MAG: variants seen among roughly 807,000 people sequenced by gnomAD.
MAG encodes the protein myelin associated glycoprotein.
Under a neutral mutation model 60.7 loss-of-function variants are expected in MAG, and 30 were observed. That is an observed-to-expected ratio of 0.49 (90% CI 0.37 to 0.67). MAG has a LOEUF of 0.67. Ranked by LOEUF, MAG falls within the 30% of genes least tolerant of loss-of-function variation. MAG has a pLI of 0.00. For missense variants in MAG, 795 were observed against 851.7 expected (o/e 0.93, Z 0.83); for synonymous variants, 384 against 376.8 (o/e 1.02, Z -0.22).
chr19:35,310,288 C>T (rs1304366537), intron 8 of MAG, 127 bp downstream of exon 8: 4 of 1,299,674 alleles, frequency 3.1e-6, no homozygotes, highest in Non-Finnish European at 4.1e-6. Context: ...TCAAATTCTC[C>T]CTTTCCGGTT....
Position 35,298,216 on chromosome 19 carries a change from C to T in MAG, c.416-1338C>T, listed in dbSNP as rs2066417484. Among the ~76,000 whole-genome samples the T allele has an allele frequency of 8.0e-5, 12 of 150,410 alleles. 2 individuals carry two copies. In the South Asian group the frequency reaches 2.5e-3, roughly 32 times the overall value. ...CCTATACACACTACACATACATGCA[C>T]TACCCACACATCACAACACAAACCA... On this transcript the variant is annotated intron_variant, in intron 4 of 10. Transcript: ENST00000392213.
At chr19:35,296,115 G>C in intron 4 of MAG, 134 bp downstream of exon 4, 1 of 1,272,376 alleles carries the variant, frequency 7.9e-7, no homozygotes, top group East Asian at 2.4e-5. Context: ...TTGGCTGGGG[G>C]TGCAAACCTC....
chr19:35,308,785 C>T (rs2066503455), intron 7 of MAG, among the ~76,000 whole-genome samples: 1 of 152,114 alleles, frequency 6.6e-6, no homozygotes, highest in African/African-American at 2.4e-5. Context: ...GTATACATTA[C>T]ATTGAACTAT....
In MAG at chr19:35,310,059, A is replaced by G. The variant is rs1482860502; in HGVS notation, c.1417A>G (p.Ile473Val). The G allele has an allele frequency of 1.9e-6, 3 of 1,613,692 alleles. No homozygotes were observed. Among genetic ancestry groups the G allele is most frequent in the Admixed American group, 3.3e-5 (2 of 60,010 alleles). ...SERSGLVLTS[I>V]LTLRGQAQAP... is the part of the protein sequence containing the mutation. ...GCGCAGCGGCCTCGTGCTCACCAGC[A>G]TCCTCACGCTGCGGGGGCAGGCCCA... is the stretch of plus-strand genomic sequence containing the variant. The change falls in exon 8 of 11, where the codon ATC becomes GTC. Residue 473 changes from isoleucine (I) to valine (V), a missense_variant. By Grantham distance (29) the Ile-to-Val change is conservative. Coordinates refer to ENST00000392213, the MANE Select transcript of MAG (RefSeq NM_002361.4).
At chr19:35,292,568 T>TG (rs1402230733) in intron 1 of MAG, among the ~76,000 whole-genome samples, 1 of 152,022 alleles carries the variant, frequency 6.6e-6, no homozygotes, top group African/African-American at 2.4e-5. Flanking sequence ...ATCAGACACC[T>TG]GCAGGCTGCA....
chr19:35,300,264 G>A lies in MAG; in HGVS notation c.830G>A (p.Gly277Glu), dbSNP rs753123297. ...CCGCTGCTGACCTGGATGCGGGACGGGACAGTCCTCCGGGAGGCGGTGGCC... is the reference window on the plus strand; with the variant it reads ...CCGCTGCTGACCTGGATGCGGGACGAGACAGTCCTCCGGGAGGCGGTGGCC... Reference protein sequence around the residue: ...PPPLLTWMRDGTVLREAVAES... With the variant: ...PPPLLTWMRDETVLREAVAES... Residue 277 changes from glycine (G) to glutamate (E), a missense_variant, in exon 6 of 11, where the codon GGG becomes GAG. Coordinates refer to ENST00000392213, the MANE Select transcript of MAG (RefSeq NM_002361.4). The A allele has an allele frequency of 6.9e-6, 11 of 1,598,898 alleles. No homozygotes were observed. The South Asian group carries it at 1.2e-4, about 18-fold the overall frequency.
rs947056099 is a variant in MAG, at chr19:35,293,405, G to A, written c.-79-830G>A. Among the ~76,000 whole-genome samples, 3 of 151,978 alleles carry A rather than the reference G, an allele frequency of 2.0e-5. No homozygotes were observed. Among genetic ancestry groups the A allele is most frequent in the Non-Finnish European group, 4.4e-5 (3 of 67,974 alleles). The stretch of plus-strand genomic sequence containing the variant: ...GTGCCAGCCCATCCCTGTGGGCACA[G>A]GGGTCCCTGTGCCTGTCTGTGTGTT... On this transcript the variant is annotated intron_variant, in intron 1 of 10. Transcript: ENST00000392213. This position sits in a 1 kb window ranked among gnomAD's most constrained non-coding sequence, Gnocchi z 4.0.
Position 35,295,742 on chromosome 19 carries a change from G to A in MAG, c.176G>A (p.Trp59Ter). 1 of 1,613,892 alleles carries A rather than the reference G, an allele frequency of 6.2e-7. No individual in the cohort carries two copies. The highest frequency in any genetic ancestry group is 8.5e-7 in the Non-Finnish European group (1 of 1,180,014). ...ELRPAVVHGVWYFNSPYPKNY... is the reference protein window; with the variant it reads ...ELRPAVVHGV Reference sequence around the variant, plus strand: ...CGGCCCGCTGTGGTGCATGGTGTCTGGTACTTCAATAGCCCCTACCCCAAG... The same window carrying A: ...CGGCCCGCTGTGGTGCATGGTGTCTAGTACTTCAATAGCCCCTACCCCAAG... The change falls in exon 4 of 11, where the codon TGG (tryptophan) becomes TAG (stop). Residue 59 changes from tryptophan to a stop codon, truncating the protein, a stop_gained. Coordinates refer to ENST00000392213, the MANE Select transcript of MAG (RefSeq NM_002361.4). LOFTEE classifies it high-confidence loss of function. This position sits in a 1 kb window ranked among gnomAD's most constrained non-coding sequence, Gnocchi z 5.8.
chr19:35,309,830 G>A, intron 7 of MAG, 44 bp from the exon 8 acceptor site: 3 of 1,581,804 alleles, frequency 1.9e-6, no homozygotes, highest in South Asian at 2.2e-5. Flanking sequence ...GCCGGGCCTC[G>A]CGTTGGCTCC....
chr19:35,302,912 C>CTTTTT (rs869126086), intron 7 of MAG, among the ~76,000 whole-genome samples: 7 of 99,822 alleles, frequency 7.0e-5, no homozygotes, highest in South Asian at 7.2e-4. Context: ...CGGGAGTGGG[C>CTTTTT]TTTTTTTTTT....
intron 4 of MAG, among the ~76,000 whole-genome samples, chr19:35,296,870 C>T (rs1045648761): frequency 2.0e-5 from 3 of 149,146 alleles, no homozygotes; most frequent in Non-Finnish European, 4.5e-5. Flanking sequence ...ACACACTGCT[C>T]CTGCTACCTA....
intron 10 of MAG, 99 bp from the exon 11 acceptor site, chr19:35,313,191 G>C: frequency 7.6e-7 from 1 of 1,323,490 alleles, no homozygotes; most frequent in Non-Finnish European, 1.0e-6. Context: ...GATTTATTTG[G>C]GACTGAACTC....
At position 35,300,292 on chromosome 19, in the gene MAG, G is replaced by A. The variant is rs201069117; in HGVS notation, c.858G>A (p.Glu286=). 2.5e-6 allele frequency: 4 copies of A among 1,599,702 alleles called. No homozygotes were observed. Among genetic ancestry groups the A allele is most frequent in the Non-Finnish European group, 3.4e-6 (4 of 1,179,208 alleles). Residue 286 remains glutamate (E), a synonymous_variant, in exon 6 of 11, where the codon GAG becomes GAA. Transcript: ENST00000392213. ...DGTVLREAVA[E]SLLLELEEVT... ...CAGTCCTCCGGGAGGCGGTGGCCGA[G>A]AGCCTGCTCCTGGAGCTGGAGGAGG...
At chr19:35,310,438 C>G in intron 8 of MAG, 109 bp from the exon 9 acceptor site, 1 of 1,005,518 alleles carries the variant, frequency 9.9e-7, no homozygotes, top group Non-Finnish European at 1.5e-6. Context: ...GCAAGGATGC[C>G]CCGGCTGTGT....
At chr19:35,300,724 G>A (rs2066442774) in intron 6 of MAG, among the ~76,000 whole-genome samples, 1 of 152,134 alleles carries the variant, frequency 6.6e-6, no homozygotes, top group Admixed American at 6.5e-5. Context: ...AGGAATCTGC[G>A]TTTTACTTTA....
Position 35,292,644 on chromosome 19 carries a change from GGTGT to G in MAG, c.-80+458_-80+461del, listed in dbSNP as rs74172714. Among the ~76,000 whole-genome samples, 26 of 149,988 alleles carry G rather than the reference GGTGT, an allele frequency of 1.7e-4. 1 individual carries two copies. The highest frequency in any genetic ancestry group is 1.4e-3 in the Admixed American group (21 of 15,104). On this transcript the variant is annotated intron_variant, in intron 1 of 10. Transcript: ENST00000392213. ...CATTCTAGCACCTGGGCACATAGCA[GGTGT>G]GTGTGTGTGTGTGTGTGCGTGTGCG... is the stretch of plus-strand genomic sequence containing the variant.
chr19:35,307,170 C>T (rs16970204), intron 7 of MAG, among the ~76,000 whole-genome samples: 4,538 of 152,292 alleles, frequency 0.03, 229 homozygotes, highest in African/African-American at 0.1. Context: ...TACTCCGTGG[C>T]GTGTTAGCTG....
chr19:35,312,753 C>T (rs958880522), intron 10 of MAG: 3 of 208,710 alleles, frequency 1.4e-5, no homozygotes, highest in African/African-American at 2.3e-5. Flanking sequence ...TTGAAAGCTT[C>T]CTGGACGGGG....
chr19:35,307,313 C>T (rs930816592), intron 7 of MAG, among the ~76,000 whole-genome samples: 4 of 152,200 alleles, frequency 2.6e-5, no homozygotes, highest in African/African-American at 9.7e-5. Context: ...AGGTCCACCA[C>T]CGTTACCGGC....
Sources: allele counts gnomAD v4.1 joint callset (sites outside exome capture counted in the v4.1 genomes callset), GRCh38; gene constraint gnomAD v4.1.1; non-coding constraint Gnocchi (gnomAD v3.1); transcripts MANE v1.5; gene names NCBI Gene and HGNC (gene_info 2026-07-23, HGNC 2026-07-21).